Variants in MTRR observed in about 807,000 individuals in gnomAD.
The protein encoded by MTRR is 5-methyltetrahydrofolate-homocysteine methyltransferase reductase.
In MTRR, 63 loss-of-function variants were observed where a neutral mutation model predicts 79.2. The ratio of observed to expected loss-of-function variants is 0.80; its 90% CI spans 0.65 to 0.98. The LOEUF is 0.98. MTRR is among the 50% of genes least tolerant of loss of function. The probability of loss-of-function intolerance (pLI) is 0.00; values close to 1 mark genes in which losing one functional copy is unlikely to be tolerated. For synonymous variants in MTRR, 355 were observed against 313.3 expected (o/e 1.13, Z -1.41); for missense variants, 895 against 839.6 (o/e 1.07, Z -0.82).
In MTRR at chr5:7,900,436, T is replaced by TA. The variant is rs1293059327; in HGVS notation, c.*379dup. 1 of 230,488 alleles carries TA rather than the reference T, an allele frequency of 4.3e-6. No individual in the cohort carries two copies. Among genetic ancestry groups the TA allele is most frequent in the African/African-American group, 2.3e-5 (1 of 43,630 alleles). The allele number at this position is 230,488 out of a possible 1,614,324, so 14.3% of individuals were successfully genotyped here. A position where few individuals can be genotyped will look rare whatever the true frequency, so the allele number is the denominator to read the frequency against. On this transcript the variant is annotated 3_prime_UTR_variant, in exon 15 of 15. Transcript: ENST00000440940. ...GACTGAGTAGCTCATTCTTGTGACTTACAGTGCCAACATTTAAAAAAGTAT... is the reference window on the plus strand; with the variant it reads ...GACTGAGTAGCTCATTCTTGTGACTTAACAGTGCCAACATTTAAAAAAGTAT...
At chr5:7,867,151 T>C, upstream of MTRR, 1 of 1,614,168 alleles carries the variant, frequency 6.2e-7, no homozygotes, top group South Asian at 1.1e-5. Flanking sequence ...TCAGAGGAAA[T>C]GCTTGACTTT....
At chr5:7,878,730 G>A (rs1735002343) in intron 5 of MTRR, among the ~76,000 whole-genome samples, 1 of 152,254 alleles carries the variant, frequency 6.6e-6, no homozygotes, top group South Asian at 2.1e-4. Context: ...GAGTCAAACA[G>A]AGATGAGTTG....
intron 4 of MTRR, among the ~76,000 whole-genome samples, chr5:7,876,580 G>A (rs771391872): frequency 6.6e-6 from 1 of 152,094 alleles, no homozygotes; most frequent in Non-Finnish European, 1.5e-5. Flanking sequence ...TCCTTTTTCT[G>A]AAATGAAGAT....
At chr5:7,879,621 G>T (rs1376307035) in intron 5 of MTRR, among the ~76,000 whole-genome samples, 1 of 152,126 alleles carries the variant, frequency 6.6e-6, no homozygotes, top group Non-Finnish European at 1.5e-5. Flanking sequence ...AGAGAGTAAA[G>T]AATTGGGAAA....
At chr5:7,868,562 A>G (rs1055439512), upstream of MTRR, among the ~76,000 whole-genome samples, 9 of 152,166 alleles carry the variant, frequency 5.9e-5, no homozygotes, top group Non-Finnish European at 8.8e-5. Context: ...AAATTAGGCG[A>G]GGTTAGAGCA....
chr5:7,880,504 G>C (rs1234715769), intron 5 of MTRR, among the ~76,000 whole-genome samples: 1 of 152,214 alleles, frequency 6.6e-6, no homozygotes, highest in Admixed American at 6.5e-5. Flanking sequence ...GTAGTTCAGT[G>C]TCATCCCCCA....
intron 11 of MTRR, 117 bp from the exon 12 acceptor site, chr5:7,895,617 G>T: frequency 7.6e-7 from 1 of 1,318,558 alleles, no homozygotes; most frequent in Non-Finnish European, 1.1e-6. Context: ...CCACTATTTA[G>T]TGATGTTTCT....
At chr5:7,888,087 G>A (rs1174387333) in intron 8 of MTRR, among the ~76,000 whole-genome samples, 1 of 151,698 alleles carries the variant, frequency 6.6e-6, no homozygotes, top group Non-Finnish European at 1.5e-5. Flanking sequence ...ATGTAATTAT[G>A]GGCAATTGAG....
At chr5:7,874,592 T>C (rs1050455753) in intron 3 of MTRR, among the ~76,000 whole-genome samples, 4 of 146,860 alleles carry the variant, frequency 2.7e-5, no homozygotes, top group Admixed American at 6.8e-5. Flanking sequence ...TTTAAGCTTT[T>C]TTTTTTTTTT....
intron 1 of MTRR, 135 bp from the exon 2 acceptor site, chr5:7,870,635 A>G: frequency 1.0e-6 from 1 of 958,354 alleles, no homozygotes; most frequent in Non-Finnish European, 1.6e-6. Flanking sequence ...TAGTGCTGAA[A>G]ACAAATTTAG....
chr5:7,871,427 A>G (rs145235116), intron 2 of MTRR, among the ~76,000 whole-genome samples: 165 of 152,348 alleles, frequency 1.1e-3, no homozygotes, highest in African/African-American at 3.7e-3. Context: ...GTTTATGTTC[A>G]GTCTCTGCAG....
intron 8 of MTRR, 113 bp from the exon 9 acceptor site, chr5:7,888,982 T>G: frequency 8.2e-7 from 1 of 1,214,230 alleles, no homozygotes; most frequent in Non-Finnish European, 1.2e-6. Flanking sequence ...CCTAGTGGCT[T>G]TCTCATTTTT....
At chr5:7,870,951 G>T in intron 2 of MTRR, 28 bp downstream of exon 2, 1 of 1,613,944 alleles carries the variant, frequency 6.2e-7, no homozygotes, top group Non-Finnish European at 8.5e-7. Context: ...GGATTTTACC[G>T]TTTTGTGCTT....
chr5:7,877,503 C>CAAAAAAA (rs11324670), intron 4 of MTRR, among the ~76,000 whole-genome samples: 1 of 100,510 alleles, frequency 9.9e-6, no homozygotes, highest in Non-Finnish European at 2.1e-5. Flanking sequence ...ATTGGCTAGG[C>CAAAAAAA]AAAAAAAAAA....
chr5:7,869,081 T>G, upstream of MTRR: 1 of 1,589,872 alleles, frequency 6.3e-7, no homozygotes, highest in Non-Finnish European at 8.6e-7. Flanking sequence ...GGCGGCGCAA[T>G]GTGATTGGCC....
Position 7,869,473 on chromosome 5 carries a change from C to A in MTRR, c.-26+258C>A, listed in dbSNP as rs919379722. ...GGGAGGCCCCTGGGCGGCGTGGGGT[C>A]TCTCCTCATGTTCTGCCTTTGGTTC... On this transcript the variant is annotated intron_variant, in intron 1 of 14. Transcript: ENST00000440940. 9.0e-5 allele frequency: 48 copies of A among 533,304 alleles called. 2 individuals are homozygous for A. In the East Asian group the frequency reaches 1.4e-3, roughly 15 times the overall value. 33.0% of individuals were successfully genotyped at this position (533,304 alleles called of 1,614,324 possible). A position where few individuals can be genotyped will look rare whatever the true frequency, so the allele number is the denominator to read the frequency against.
chr5:7,877,699 C>G (rs1734811651), intron 4 of MTRR, among the ~76,000 whole-genome samples: 1 of 152,054 alleles, frequency 6.6e-6, no homozygotes, highest in Non-Finnish European at 1.5e-5. Context: ...GAATATCTTC[C>G]TATCCCTCTT....
chr5:7,859,897 C>A (rs1561090014), intron 1 of MTRR, among the ~76,000 whole-genome samples: 1 of 152,142 alleles, frequency 6.6e-6, no homozygotes, highest in East Asian at 1.9e-4. Context: ...GTGAGCATTT[C>A]ATTAGATGAG....
Position 7,889,201 on chromosome 5 carries a change from G to A in MTRR, c.1253G>A (p.Arg418Gln), listed in dbSNP as rs749461781. 1.8e-5 allele frequency: 29 copies of A among 1,613,760 alleles called. No individual in the cohort carries two copies. Among genetic ancestry groups the A allele is most frequent in the South Asian group, 1.6e-4 (15 of 91,064 alleles). Residue 418 changes from arginine (R) to glutamine (Q), a missense_variant, in exon 9 of 15, where the codon CGA becomes CAA. By Grantham distance (43) the Arg-to-Gln change is conservative. Transcript: ENST00000440940. ...GCAGCCGATTATAGCCGCTTTGTAC[G>A]AGATGCCTGTGCCTGCTTGTTGGAT... ...QGAADYSRFV[R>Q]DACACLLDLL...
Sources: allele counts gnomAD v4.1 joint callset (sites outside exome capture counted in the v4.1 genomes callset), GRCh38; gene constraint gnomAD v4.1.1; transcripts MANE v1.5; gene names NCBI Gene and HGNC (gene_info 2026-07-23, HGNC 2026-07-21).